ADPRHL1: variants seen among roughly 807,000 people sequenced by gnomAD.
ADPRHL1 encodes inactive ADP-ribosyltransferase ARH2.
A neutral mutation model predicts 44.1 loss-of-function variants in ADPRHL1; 43 were observed. The observed-to-expected ratio is 0.98, with a 90% CI of 0.76 to 1.26. The LOEUF is 1.26. ADPRHL1 is among the 50% of genes most tolerant of loss of function. The probability of loss-of-function intolerance (pLI) is 0.00; values close to 1 mark genes in which losing one functional copy is unlikely to be tolerated. For synonymous variants in ADPRHL1, 878 were observed against 1,017.4 expected (o/e 0.86, Z 2.61); for missense variants, 2,022 against 2,496.9 (o/e 0.81, Z 4.05).
At chr13:113,451,918 C>T (rs1440544634) in intron 1 of ADPRHL1, among the ~76,000 whole-genome samples, 4 of 152,206 alleles carry the variant, frequency 2.6e-5, no homozygotes, top group African/African-American at 7.2e-5. Flanking sequence ...TGTCCTGTGC[C>T]GCTGCCCTCC....
At chr13:113,415,578 G>T (rs569473526) in intron 7 of ADPRHL1, among the ~76,000 whole-genome samples, 5 of 152,014 alleles carry the variant, frequency 3.3e-5, no homozygotes, top group Non-Finnish European at 7.4e-5. Flanking sequence ...GGGTGAAACC[G>T]CAACTCTACT....
At chr13:113,449,311 C>T (rs973232388) in intron 1 of ADPRHL1, 2 of 751,760 alleles carry the variant, frequency 2.7e-6, no homozygotes. Context: ...AGGAGTGAGC[C>T]CCGGTCAGAG....
At position 113,404,484 on chromosome 13, in the gene ADPRHL1, C is replaced by A. The variant is rs576336079; in HGVS notation, c.4798G>T (p.Val1600Phe). 68 of 1,309,150 alleles carry A rather than the reference C, an allele frequency of 5.2e-5. No individual in the cohort carries two copies. In the South Asian group the frequency reaches 9.9e-4, roughly 19 times the overall value. 81.1% of individuals were successfully genotyped at this position (1,309,150 alleles called of 1,614,324 possible). The change falls in exon 8 of 8, where the codon GTT becomes TTT. Residue 1600 changes from valine to phenylalanine, a missense_variant. This residue lies in a region of ADPRHL1 where 78 missense variants were observed against 76.5 expected (regional missense o/e 1.02). Coordinates refer to ENST00000612156, the MANE Select transcript of ADPRHL1 (RefSeq NM_001394807.1). The part of the protein sequence containing the change: ...GQIQGQAQKQ[V>F]QGEVQKWAQE... The stretch of plus-strand genomic sequence containing the variant: ...GCCCATTTCTGAACCTCTCCTTGAA[C>A]CTGTTTCTGGGCCTGTCCCTGAATC...
chr13:113,421,395 T>G (rs574712394), intron 7 of ADPRHL1, among the ~76,000 whole-genome samples: 1 of 49,936 alleles, frequency 2.0e-5, no homozygotes, highest in African/African-American at 7.8e-5. Context: ...CCCCCGGGAC[T>G]TGCCCACCCC....
intron 4 of ADPRHL1, 36 bp downstream of exon 4, chr13:113,428,916 C>T (rs1247422613): frequency 6.2e-7 from 1 of 1,610,300 alleles, no homozygotes; most frequent in East Asian, 2.2e-5. Flanking sequence ...TCCAGATCTG[C>T]TCTGAGTGCG....
chr13:113,407,424 C>G lies in ADPRHL1; in HGVS notation c.1858G>C (p.Ala620Pro). 1.6e-6 allele frequency: 2 copies of G among 1,231,978 alleles called. No individual in the cohort carries two copies. The allele number at this position is 1,231,978 out of a possible 1,614,324, so 76.3% of individuals were successfully genotyped here. A position where few individuals can be genotyped will look rare whatever the true frequency, so the allele number is the denominator to read the frequency against. Reference protein sequence around the residue: ...FLACTAEPLPALSIATVVCGP... With the variant: ...FLACTAEPLPPLSIATVVCGP... ...CAGACGACGGTGGCGATGCTGAGGG[C>G]CGGCAGGGGCTCAGCCGTGCAGGCC... The change falls in exon 8 of 8, where the codon GCC becomes CCC. Residue 620 changes from alanine (A) to proline (P), a missense_variant. This residue lies in a region of ADPRHL1 where 1,221 missense variants were observed against 1,517.8 expected (regional missense o/e 0.80). Transcript: ENST00000612156.
intron 3 of ADPRHL1, 31 bp from the exon 4 acceptor site, chr13:113,429,123 A>G (rs1412629752): frequency 6.3e-7 from 1 of 1,593,344 alleles, no homozygotes; most frequent in African/African-American, 1.3e-5. Context: ...AGGGGGCACC[A>G]TCACCTGGGC....
intron 2 of ADPRHL1, among the ~76,000 whole-genome samples, chr13:113,439,672 A>T (rs111523877): frequency 5.5e-5 from 8 of 145,324 alleles, no homozygotes; most frequent in South Asian, 4.4e-4. Context: ...GGTCTCGAAC[A>T]CCTGACCTCA....
intron 2 of ADPRHL1, 60 bp from the exon 3 acceptor site, chr13:113,433,927 T>A: frequency 6.8e-7 from 1 of 1,469,160 alleles, no homozygotes; most frequent in Non-Finnish European, 9.0e-7. Context: ...CCCCTGACAA[T>A]CTAGCTTTCA....
In ADPRHL1 at chr13:113,405,139, C is replaced by G. The variant is rs560858916; in HGVS notation, c.4143G>C (p.Gln1381His). The G allele has an allele frequency of 8.1e-7, 1 of 1,232,086 alleles. No individual in the cohort carries two copies. The allele number at this position is 1,232,086 out of a possible 1,614,324, so 76.3% of individuals were successfully genotyped here. Residue 1381 changes from glutamine (Q) to histidine (H), a missense_variant, in exon 8 of 8, where the codon CAG (glutamine) becomes CAC (histidine). Around this residue, in one of 8 missense-constraint regions of ADPRHL1, gnomAD observed 1,221 missense variants for 1,517.8 expected, o/e 0.80. Transcript: ENST00000612156. ...PLTQADLGRQ[Q>H]SHQAQEETPQ... ...GGGTCTCCTCCTGTGCCTGGTGACTCTGTTGCCTCCCCAGGTCCGCCTGTG... is the reference window on the plus strand; with the variant it reads ...GGGTCTCCTCCTGTGCCTGGTGACTGTGTTGCCTCCCCAGGTCCGCCTGTG...
rs2043767548 is a variant in ADPRHL1, at chr13:113,402,226, G to A, written c.*1152C>T. 1 of 152,228 alleles carries A rather than the reference G, an allele frequency of 6.6e-6. No homozygotes were observed. The highest frequency in any genetic ancestry group is 1.5e-5 in the Non-Finnish European group (1 of 68,050). The allele number at this position is 152,228 out of a possible 1,614,324, so 9.4% of individuals were successfully genotyped here. ...TGGCCTCACGGGTCCGGGTTTCAGA[G>A]GCCACCGAGTGGCCTGGGACGATGG... On this transcript the variant is annotated 3_prime_UTR_variant, in exon 8 of 8. Coordinates refer to ENST00000612156, the MANE Select transcript of ADPRHL1 (RefSeq NM_001394807.1).
chr13:113,412,239 G>A (rs929785247), intron 7 of ADPRHL1, among the ~76,000 whole-genome samples: 14 of 152,098 alleles, frequency 9.2e-5, no homozygotes, highest in African/African-American at 3.4e-4. Context: ...CTGCAGTGGC[G>A]CGATCTCGAC....
Position 113,403,849 on chromosome 13 carries a change from A to T in ADPRHL1, c.5433T>A (p.Ser1811Arg), listed in dbSNP as rs1302688571. The change falls in exon 8 of 8, where the codon AGT (serine) becomes AGA (arginine). Residue 1811 changes from serine to arginine, a missense_variant. Around this residue, in one of 8 missense-constraint regions of ADPRHL1, gnomAD observed 205 missense variants for 250.1 expected, o/e 0.82. Coordinates refer to ENST00000612156, the MANE Select transcript of ADPRHL1 (RefSeq NM_001394807.1). Reference sequence around the variant, plus strand: ...GCTCCCAGGCCCGAGGCGCCATCCCACTTGTCAAGGCCTGTTCCCGACCCT... The same window carrying T: ...GCTCCCAGGCCCGAGGCGCCATCCCTCTTGTCAAGGCCTGTTCCCGACCCT... ...WEQGREQALT[S>R]GMAPRAWEQP... 4 of 1,073,686 alleles carry T rather than the reference A, an allele frequency of 3.7e-6. No homozygotes were observed. Among genetic ancestry groups the T allele is most frequent in the Non-Finnish European group, 4.5e-6 (4 of 889,266 alleles). The allele number at this position is 1,073,686 out of a possible 1,614,324, so 66.5% of individuals were successfully genotyped here. A position where few individuals can be genotyped will look rare whatever the true frequency, so the allele number is the denominator to read the frequency against.
At chr13:113,413,720 G>T (rs1251327891) in intron 7 of ADPRHL1, among the ~76,000 whole-genome samples, 1 of 152,230 alleles carries the variant, frequency 6.6e-6, no homozygotes, top group African/African-American at 2.4e-5. Context: ...GCGGAGTCTG[G>T]GCTGCCCTGT....
intron 7 of ADPRHL1, chr13:113,422,510 C>T (rs1478148488): frequency 6.5e-6 from 2 of 306,392 alleles, no homozygotes; most frequent in Non-Finnish European, 1.2e-5. Flanking sequence ...ACAGCATTAG[C>T]TCTGCGACAG....
chr13:113,422,949 C>T lies in ADPRHL1; in HGVS notation c.938G>A (p.Gly313Asp). The stretch of plus-strand genomic sequence containing the variant: ...GCCGTACAGCAACCCGAACAGGCAG[C>T]CTGCAATGGTGCCCGTGGCCGCGCT... ...GESAATGTIA[G>D]CLFGLLYGLD... The change falls in exon 7 of 8, where the codon GGC (glycine) becomes GAC (aspartate). Residue 313 changes from glycine (G) to aspartate (D), a missense_variant. Gly to Asp is a moderately conservative substitution (Grantham distance 94). This residue lies in a region of ADPRHL1 where 437 missense variants were observed against 430.7 expected (regional missense o/e 1.01). Transcript: ENST00000612156. 4 of 1,612,910 alleles carry T rather than the reference C, an allele frequency of 2.5e-6. No individual in the cohort carries two copies. Among genetic ancestry groups the T allele is most frequent in the Non-Finnish European group, 3.4e-6 (4 of 1,179,980 alleles).
In ADPRHL1 at chr13:113,407,538, T is replaced by C; in HGVS notation, c.1744A>G (p.Arg582Gly). ...TQERKKRNLQ[R>G]KRMHRPEVRV... ...ACCTCCGGCCGGTGCATCCTCTTCCTCTGCAGGTTCCTCTTCTTCCGCTCC... is the reference window on the plus strand; with the variant it reads ...ACCTCCGGCCGGTGCATCCTCTTCCCCTGCAGGTTCCTCTTCTTCCGCTCC... Residue 582 changes from arginine to glycine, a missense_variant, in exon 8 of 8, where the codon AGG becomes GGG. Around this residue, in one of 8 missense-constraint regions of ADPRHL1, gnomAD observed 1,221 missense variants for 1,517.8 expected, o/e 0.80. Coordinates refer to ENST00000612156, the MANE Select transcript of ADPRHL1 (RefSeq NM_001394807.1). 7 of 1,232,248 alleles carry C rather than the reference T, an allele frequency of 5.7e-6. No individual in the cohort carries two copies. In the Admixed American group the frequency reaches 2.5e-4, roughly 45 times the overall value. 76.3% of individuals were successfully genotyped at this position (1,232,248 alleles called of 1,614,324 possible).
chr13:113,420,990 G>A (rs1308602188), intron 7 of ADPRHL1, among the ~76,000 whole-genome samples: 3 of 75,074 alleles, frequency 4.0e-5, no homozygotes, highest in Non-Finnish European at 7.5e-5. Context: ...CCCCAGGACC[G>A]CCAACCCCTG....
intron 2 of ADPRHL1, among the ~76,000 whole-genome samples, chr13:113,443,432 A>G (rs1418276245): frequency 6.1e-5 from 9 of 147,774 alleles, no homozygotes; most frequent in African/African-American, 2.3e-4. Context: ...ACATGGTGAA[A>G]CCCCTTCTCT....
Sources: gnomAD v4.1 joint callset for allele counts (sites outside exome capture counted in the v4.1 genomes callset) on GRCh38, gnomAD v4.1.1 for gene constraint, gnomAD v4.1.1 regional missense constraint, MANE v1.5 for transcripts, NCBI Gene and HGNC (gene_info 2026-07-23, HGNC 2026-07-21) for gene names.